Variants in PRKG2 observed in about 807,000 individuals in gnomAD.
The protein encoded by PRKG2 is protein kinase cGMP-dependent 2, also known as cGMP-dependent protein kinase 2.
A neutral mutation model predicts 97.2 loss-of-function variants in PRKG2; 33 were observed. The ratio of observed to expected loss-of-function variants is 0.34; its 90% CI spans 0.26 to 0.45. PRKG2 has a LOEUF of 0.45. Among genes scored for constraint, PRKG2 ranks in the 20% least tolerant of loss-of-function variants. The probability of loss-of-function intolerance (pLI) is 1.00; values close to 1 mark genes in which losing one functional copy is unlikely to be tolerated. For missense variants in PRKG2, 638 were observed against 900.0 expected, an observed-to-expected ratio of 0.71 and a Z score of 3.73; for synonymous variants, 330 against 321.8, an observed-to-expected ratio of 1.03 and a Z score of -0.27.
chr4:81,087,616 A>G lies in PRKG2; in HGVS notation c.*2092T>C, dbSNP rs1371508744. The G allele has an allele frequency of 6.6e-6, 1 of 152,126 alleles. No homozygotes were observed. Among genetic ancestry groups the G allele is most frequent in the Admixed American group, 6.6e-5 (1 of 15,260 alleles). The allele number at this position is 152,126 out of a possible 1,614,324, so 9.4% of individuals were successfully genotyped here. A position where few individuals can be genotyped will look rare whatever the true frequency, so the allele number is the denominator to read the frequency against. On this transcript the variant is annotated 3_prime_UTR_variant, in exon 19 of 19. Coordinates refer to ENST00000264399, the MANE Select transcript of PRKG2 (RefSeq NM_006259.3). ...AACTTAATCCCTGAAACAAACCTCT[A>G]AGTAAATATTACTTTACTCTGCCTT...
chr4:81,130,597 C>T (rs532291814), intron 14 of PRKG2, among the ~76,000 whole-genome samples: 90 of 152,232 alleles, frequency 5.9e-4, no homozygotes, highest in African/African-American at 2.1e-3. Flanking sequence ...CACAGCCACG[C>T]CTTCCCCCAG....
chr4:81,139,046 T>C (rs1222985741), intron 12 of PRKG2, among the ~76,000 whole-genome samples: 1 of 152,104 alleles, frequency 6.6e-6, no homozygotes, highest in Admixed American at 6.5e-5. Flanking sequence ...AAAACTACAC[T>C]CTGGGGCATT....
At chr4:81,121,296 G>A (rs900473019) in intron 14 of PRKG2, among the ~76,000 whole-genome samples, 2 of 151,936 alleles carry the variant, frequency 1.3e-5, no homozygotes, top group Non-Finnish European at 2.9e-5. Flanking sequence ...TTTGGTATTA[G>A]AGTAATAATG....
upstream of PRKG2, among the ~76,000 whole-genome samples, chr4:81,216,647 G>C (rs1229886345): frequency 6.6e-6 from 1 of 152,060 alleles, no homozygotes; most frequent in African/African-American, 2.4e-5. Flanking sequence ...AATGTGCACT[G>C]TACCTAATAA....
chr4:81,204,884 C>T lies in PRKG2; in HGVS notation c.164G>A (p.Arg55Gln), dbSNP rs763996547. The part of the protein sequence containing the change: ...QEREYHLKEL[R>Q]EQLSKQTVAI... ...CACAGTCTGCTTCGACAGCTGCTCC[C>T]GCAGCTCCTTCAAATGGTACTCCCG... The change falls in exon 2 of 19, where the codon CGG becomes CAG. Residue 55 changes from arginine (R) to glutamine (Q), a missense_variant. Arg to Gln is a conservative substitution (Grantham distance 43). Coordinates refer to ENST00000264399, the MANE Select transcript of PRKG2 (RefSeq NM_006259.3). 9.3e-6 allele frequency: 15 copies of T among 1,614,066 alleles called. 1 individual carries two copies. Among genetic ancestry groups the T allele is most frequent in the Admixed American group, 8.3e-5 (5 of 59,990 alleles).
chr4:81,177,487 C>T (rs72879491), intron 2 of PRKG2, among the ~76,000 whole-genome samples: 36,279 of 151,978 alleles, frequency 0.24, 8,440 homozygotes, highest in African/African-American at 0.59. Context: ...GGGCAGATCA[C>T]GAGGTCAGGA....
At chr4:81,118,862 T>C (rs1167547958) in intron 14 of PRKG2, among the ~76,000 whole-genome samples, 1 of 152,182 alleles carries the variant, frequency 6.6e-6, no homozygotes, top group East Asian at 1.9e-4. Flanking sequence ...TGGCATGATC[T>C]CTGCTCAATG....
chr4:81,214,648 C>T (rs1258704723), intron 1 of PRKG2, among the ~76,000 whole-genome samples: 2 of 152,186 alleles, frequency 1.3e-5, no homozygotes, highest in African/African-American at 2.4e-5. Flanking sequence ...CTAGAGAACC[C>T]TGAGGACTCC....
chr4:81,102,473 G>T (rs1742900689), intron 17 of PRKG2, among the ~76,000 whole-genome samples: 2 of 152,164 alleles, frequency 1.3e-5, no homozygotes. Flanking sequence ...GTCATTTCAT[G>T]ATGAGAAAAG....
chr4:81,171,804 T>A lies in PRKG2; in HGVS notation c.629A>T (p.Glu210Val). Reference protein sequence around the residue: ...EPGNHIFVLAEGRLEVFQGEK... With the variant: ...EPGNHIFVLAVGRLEVFQGEK... ...CCCTTGGAACACCTCTAGTCGACCCTCTATCAAGCAGAATTTTAAAAAACA... is the reference window on the plus strand; with the variant it reads ...CCCTTGGAACACCTCTAGTCGACCCACTATCAAGCAGAATTTTAAAAAACA... The change falls in exon 4 of 19, where the codon GAG (glutamate) becomes GTG (valine). Residue 210 changes from glutamate to valine, a missense_variant and splice_region_variant. Transcript: ENST00000264399. 1 of 1,590,234 alleles carries A rather than the reference T, an allele frequency of 6.3e-7. No individual in the cohort carries two copies. The highest frequency in any genetic ancestry group is 8.6e-7 in the Non-Finnish European group (1 of 1,168,732).
At chr4:81,185,843 C>A (rs141026540) in intron 2 of PRKG2, among the ~76,000 whole-genome samples, 1 of 152,130 alleles carries the variant, frequency 6.6e-6, no homozygotes, top group Admixed American at 6.5e-5. Flanking sequence ...ATAAAACAGA[C>A]TTTAAACCTA....
Position 81,137,387 on chromosome 4 carries a change from C to G in PRKG2, c.1634+6G>C. ...CCAGATGTGAGTATACAAACTTTTT[C>G]ATTACCTGTCCCTTAATATACTCCA... is the stretch of plus-strand genomic sequence containing the variant. On this transcript the variant is annotated splice_donor_region_variant and intron_variant, in intron 13 of 18. Coordinates refer to ENST00000264399, the MANE Select transcript of PRKG2 (RefSeq NM_006259.3). 1 of 1,595,854 alleles carries G rather than the reference C, an allele frequency of 6.3e-7. No individual in the cohort carries two copies. Among genetic ancestry groups the G allele is most frequent in the Non-Finnish European group, 8.6e-7 (1 of 1,163,808 alleles).
chr4:81,179,371 GA>G (rs1486880739), intron 2 of PRKG2, among the ~76,000 whole-genome samples: 1 of 152,116 alleles, frequency 6.6e-6, no homozygotes, highest in East Asian at 1.9e-4. Context: ...ACAGAAGCCA[GA>G]ACACAGTAGC....
At chr4:81,126,233 T>A (rs1330832625) in intron 14 of PRKG2, among the ~76,000 whole-genome samples, 3 of 152,210 alleles carry the variant, frequency 2.0e-5, no homozygotes, top group Non-Finnish European at 4.4e-5. Flanking sequence ...CTGCATAGTA[T>A]TCCATGGTGT....
chr4:81,138,792 T>C (rs1364844350), intron 12 of PRKG2, among the ~76,000 whole-genome samples: 1 of 152,196 alleles, frequency 6.6e-6, no homozygotes, highest in African/African-American at 2.4e-5. Flanking sequence ...GCCCTGAAGC[T>C]GCTCATCATA....
intron 2 of PRKG2, among the ~76,000 whole-genome samples, chr4:81,189,623 AGTGG>A (rs1752288892): frequency 6.7e-6 from 1 of 148,718 alleles, no homozygotes; most frequent in South Asian, 2.1e-4. Flanking sequence ...GGGTAGAGGG[AGTGG>A]GGAGGGATAG....
In PRKG2 at chr4:81,089,753, C is replaced by T; in HGVS notation, c.2244G>A (p.Lys748=). Residue 748 remains lysine (K), a synonymous_variant, in exon 19 of 19, where the codon AAG becomes AAA. Coordinates refer to ENST00000264399, the MANE Select transcript of PRKG2 (RefSeq NM_006259.3). ...HSYFDKYPPE[K]GMPPDELSGW... is the part of the protein sequence containing the mutation. ...CTGATAGCTCATCTGGAGGCATTCC[C>T]TTTTCAGGAGGATATTTGTCAAAGT... is the stretch of plus-strand genomic sequence containing the variant. 1 of 1,613,322 alleles carries T rather than the reference C, an allele frequency of 6.2e-7. No individual in the cohort carries two copies. The highest frequency in any genetic ancestry group is 8.5e-7 in the Non-Finnish European group (1 of 1,179,286).
chr4:81,108,481 T>TTG (rs1743579274), intron 15 of PRKG2, among the ~76,000 whole-genome samples: 1 of 151,852 alleles, frequency 6.6e-6, no homozygotes, highest in African/African-American at 2.4e-5. Context: ...CTATTGGTTT[T>TTG]TTTTTTTTTT....
At chr4:81,119,426 A>G (rs1054947433) in intron 14 of PRKG2, among the ~76,000 whole-genome samples, 3 of 152,152 alleles carry the variant, frequency 2.0e-5, no homozygotes, top group African/African-American at 4.8e-5. Context: ...CTATGTTTAC[A>G]TGGATCTATT....
Sources: allele counts gnomAD v4.1 joint callset (sites outside exome capture counted in the v4.1 genomes callset), GRCh38; gene constraint gnomAD v4.1.1; transcripts MANE v1.5; gene names NCBI Gene and HGNC (gene_info 2026-07-23, HGNC 2026-07-21).